The following ASIP variants were observed in gnomAD, a reference collection of about 807,000 sequenced individuals.
ASIP encodes the protein agouti-signaling protein.
Under a neutral mutation model 10.3 loss-of-function variants are expected in ASIP, and 11 were observed. The ratio of observed to expected loss-of-function variants is 1.07; its 90% confidence interval spans 0.68 to 1.78. The LOEUF is 1.78. ASIP is among the 40% of genes most tolerant of loss of function. The pLI is 0.00. For synonymous variants in ASIP, 70 were observed against 70.8 expected (o/e 0.99, Z 0.06); for missense variants, 180 against 169.2 (o/e 1.06, Z -0.35).
At chr20:34,225,115 C>T (rs1045843924) in intron 1 of ASIP, among the ~76,000 whole-genome samples, 1 of 138,354 alleles carries the variant, frequency 7.2e-6, no homozygotes, top group African/African-American at 2.7e-5. Flanking sequence ...AATCTCAGCT[C>T]ACTGCAACCT....
At chr20:34,234,712 G>T (rs1353832193) in intron 1 of ASIP, 1 of 152,032 alleles carries the variant, frequency 6.6e-6, no homozygotes. Flanking sequence ...TGAGGCTGAG[G>T]CTGAGCCAGG....
intron 1 of ASIP, among the ~76,000 whole-genome samples, chr20:34,200,418 T>C (rs1465286700): frequency 6.6e-6 from 1 of 152,252 alleles, no homozygotes; most frequent in Admixed American, 6.5e-5. Flanking sequence ...GTAATGTACA[T>C]TGTGGGGTAG....
chr20:34,203,324 A>G (rs1168081356), intron 1 of ASIP, among the ~76,000 whole-genome samples: 1 of 151,788 alleles, frequency 6.6e-6, no homozygotes, highest in Non-Finnish European at 1.5e-5. Flanking sequence ...CTATGTAGAA[A>G]CCTGGTATAT....
At chr20:34,251,331 C>T (rs571225290) in intron 1 of ASIP, among the ~76,000 whole-genome samples, 6 of 151,412 alleles carry the variant, frequency 4.0e-5, no homozygotes, top group African/African-American at 1.2e-4. Flanking sequence ...AGTGCAGTGG[C>T]GTGATGTCGG....
At chr20:34,192,695 T>C (rs2034831950), upstream of ASIP, among the ~76,000 whole-genome samples, 2 of 152,146 alleles carry the variant, frequency 1.3e-5, no homozygotes, top group South Asian at 4.1e-4. Flanking sequence ...TTACCCTCCC[T>C]GCACTAAAGT....
rs765051639 is a variant in ASIP at position 34,262,893 on chromosome 20, G to A, written c.222G>A (p.Lys74=). 1.2e-6 allele frequency: 2 copies of A among 1,613,932 alleles called. No homozygotes were observed. Among genetic ancestry groups the A allele is most frequent in the Non-Finnish European group, 1.7e-6 (2 of 1,179,864 alleles). Residue 74 remains lysine, a splice_region_variant and synonymous_variant, in exon 3 of 4, where the codon AAG becomes AAA. Transcript: ENST00000374954. The part of the protein sequence containing the change: ...RKAAEKKRSS[K]KEASMKKVVR... ...CAGCAGAAAAGAAAAGATCTTCTAA[G>A]GTAAGGGCAGGGAAGTTCTGGGAGT...
intron 1 of ASIP, chr20:34,214,383 T>A (rs2034994022): frequency 2.2e-6 from 3 of 1,343,834 alleles, no homozygotes; most frequent in Non-Finnish European, 3.2e-6. Context: ...AGATGTATGC[T>A]GATAGGAACT....
chr20:34,238,536 T>C (rs867459190), upstream of ASIP, among the ~76,000 whole-genome samples: 14 of 152,248 alleles, frequency 9.2e-5, no homozygotes, highest in African/African-American at 2.2e-4. Flanking sequence ...CATATCTCTA[T>C]TGATATTCCC....
At chr20:34,235,897 GGA>G (rs1568756518) in intron 1 of ASIP, among the ~76,000 whole-genome samples, 1 of 64,986 alleles carries the variant, frequency 1.5e-5, no homozygotes, top group Non-Finnish European at 2.5e-5. Context: ...AAGGAAGGAA[GGA>G]AAGGAAGGAA....
intron 1 of ASIP, chr20:34,215,435 A>C: frequency 6.5e-7 from 1 of 1,529,028 alleles, no homozygotes; most frequent in Non-Finnish European, 9.1e-7. Context: ...CGATCCACCA[A>C]CTCTGAGTTG....
chr20:34,203,481 T>A (rs1351578818), intron 1 of ASIP, among the ~76,000 whole-genome samples: 1 of 152,122 alleles, frequency 6.6e-6, no homozygotes, highest in Admixed American at 6.6e-5. Flanking sequence ...CACTGCAACC[T>A]CTGCCTCCTG....
chr20:34,267,459 CAAAAAAAAAA>C (rs953440256), intron 3 of ASIP, among the ~76,000 whole-genome samples: 12 of 46,282 alleles, frequency 2.6e-4, no homozygotes, highest in African/African-American at 6.6e-4. Flanking sequence ...AACTGGCTCT[CAAAAAAAAAA>C]AAAAAAAAAA....
At chr20:34,268,730 T>C (rs1390614865) in intron 3 of ASIP, among the ~76,000 whole-genome samples, 1 of 148,064 alleles carries the variant, frequency 6.8e-6, no homozygotes, top group Non-Finnish European at 1.5e-5. Flanking sequence ...TGAAACCCTG[T>C]CTAAAAAAAA....
chr20:34,205,527 C>T (rs576708434), intron 1 of ASIP, among the ~76,000 whole-genome samples: 72 of 151,192 alleles, frequency 4.8e-4, no homozygotes, highest in Admixed American at 1.6e-3. Context: ...AGATTTATTG[C>T]GAAGAGCGAA....
intron 2 of ASIP, among the ~76,000 whole-genome samples, chr20:34,261,616 A>G (rs1400454464): frequency 6.6e-6 from 1 of 152,096 alleles, no homozygotes; most frequent in Non-Finnish European, 1.5e-5. Flanking sequence ...CCTGAGTGAC[A>G]GAGTGAGATC....
intron 1 of ASIP, chr20:34,250,117 T>G (rs2035449776): frequency 6.6e-6 from 1 of 152,272 alleles, no homozygotes; most frequent in Admixed American, 6.5e-5. Context: ...CCCAGGTCTC[T>G]GGCCATTGGT....
At chr20:34,248,745 A>C (rs2035422376) in intron 1 of ASIP, among the ~76,000 whole-genome samples, 1 of 151,974 alleles carries the variant, frequency 6.6e-6, no homozygotes, top group South Asian at 2.1e-4. Context: ...GGCTGCAGTG[A>C]GCTATGGTCT....
intron 3 of ASIP, among the ~76,000 whole-genome samples, chr20:34,268,395 A>G (rs969128066): frequency 1.3e-5 from 2 of 152,068 alleles, no homozygotes; most frequent in African/African-American, 4.8e-5. Flanking sequence ...AGGCCAAAAG[A>G]AAGTTCATGT....
At chr20:34,213,727 A>G in intron 1 of ASIP, 1 of 1,511,668 alleles carries the variant, frequency 6.6e-7, no homozygotes, top group Admixed American at 1.7e-5. Context: ...CTCCAGGCAA[A>G]TAATCATTCG....
Sources: gnomAD v4.1 joint callset for allele counts (sites outside exome capture counted in the v4.1 genomes callset) on GRCh38, gnomAD v4.1.1 for gene constraint, MANE v1.5 for transcripts, NCBI Gene and HGNC (gene_info 2026-07-23, HGNC 2026-07-21) for gene names.